The following DTNB variants were observed in gnomAD, a reference collection of about 807,000 sequenced individuals.
DTNB encodes DTN-B.
DTNB carries 63 observed loss-of-function variants against 90.7 expected under a neutral mutation model. The observed-to-expected ratio is 0.69, with a 90% CI of 0.57 to 0.86. The LOEUF (loss-of-function observed/expected upper bound fraction) is 0.86, where lower values mean the gene tolerates loss of function less well. Ranked by LOEUF, DTNB falls within the 40% of genes least tolerant of loss-of-function variation. The probability of loss-of-function intolerance (pLI) is 0.00; values close to 1 mark genes in which losing one functional copy is unlikely to be tolerated. For synonymous variants in DTNB, 277 were observed against 286.7 expected (o/e 0.97, Z 0.34); for missense variants, 744 against 807.1 (o/e 0.92, Z 0.95).
At chr2:25,495,591 A>G (rs2068663316) in intron 9 of DTNB, among the ~76,000 whole-genome samples, 1 of 152,166 alleles carries the variant, frequency 6.6e-6, no homozygotes, top group Non-Finnish European at 1.5e-5. Flanking sequence ...CTTTCATTGC[A>G]ATGATTCTCG....
At chr2:25,559,498 C>T (rs146409390) in intron 8 of DTNB, among the ~76,000 whole-genome samples, 10 of 152,312 alleles carry the variant, frequency 6.6e-5, no homozygotes, top group South Asian at 4.1e-4. Context: ...TTTTGAATGT[C>T]GTATAATCAG....
chr2:25,487,453 C>T (rs1558730248), intron 9 of DTNB, among the ~76,000 whole-genome samples: 1 of 152,214 alleles, frequency 6.6e-6, no homozygotes, highest in Non-Finnish European at 1.5e-5. Context: ...AGGTTATATG[C>T]AAATACTATT....
chr2:25,512,692 G>GAT (rs1385337490), intron 9 of DTNB, among the ~76,000 whole-genome samples: 2 of 152,306 alleles, frequency 1.3e-5, no homozygotes, highest in East Asian at 3.9e-4. Flanking sequence ...GACATACCAG[G>GAT]ATTTAAACTG....
At chr2:25,589,738 C>T (rs75718601) in intron 6 of DTNB, among the ~76,000 whole-genome samples, 242 of 152,242 alleles carry the variant, frequency 1.6e-3, no homozygotes, top group African/African-American at 5.5e-3. Flanking sequence ...TTGAACTCTT[C>T]GAACTAAAGT....
At chr2:25,601,819 G>A (rs777308428) in intron 5 of DTNB, among the ~76,000 whole-genome samples, 30 of 152,192 alleles carry the variant, frequency 2.0e-4, no homozygotes, top group Non-Finnish European at 3.7e-4. Context: ...ACTGTAGTTC[G>A]AAACTCATTA....
chr2:25,649,741 T>C (rs1269677448), intron 2 of DTNB: 2 of 152,550 alleles, frequency 1.3e-5, no homozygotes, highest in East Asian at 1.9e-4. Flanking sequence ...AAAAATTGTA[T>C]AGTTACCTAC....
chr2:25,429,969 T>G (rs955077508), intron 14 of DTNB, among the ~76,000 whole-genome samples: 22 of 152,318 alleles, frequency 1.4e-4, no homozygotes, highest in South Asian at 2.1e-4. Flanking sequence ...GCACTTCCAA[T>G]CTGAAATGTT....
At chr2:25,393,144 C>A (rs1363697347) in intron 16 of DTNB, among the ~76,000 whole-genome samples, 2 of 152,038 alleles carry the variant, frequency 1.3e-5, no homozygotes, top group Non-Finnish European at 2.9e-5. Context: ...TCACATGATC[C>A]AATAAATGCA....
chr2:25,461,585 C>A (rs895693537), intron 10 of DTNB, among the ~76,000 whole-genome samples: 4 of 152,090 alleles, frequency 2.6e-5, no homozygotes, highest in African/African-American at 9.7e-5. Flanking sequence ...AATGTCAATT[C>A]AATCCATAAA....
intron 5 of DTNB, among the ~76,000 whole-genome samples, chr2:25,601,478 A>G (rs2065866057): frequency 6.6e-6 from 1 of 152,190 alleles, no homozygotes. Flanking sequence ...TAAGCAAAAA[A>G]ATGCTAGTGA....
chr2:25,461,402 ACT>A (rs1162582360), intron 10 of DTNB, among the ~76,000 whole-genome samples: 2 of 152,200 alleles, frequency 1.3e-5, no homozygotes, highest in Non-Finnish European at 2.9e-5. Context: ...GAAAATTTAA[ACT>A]CTTTCCTTTT....
At chr2:25,540,414 CTCT>C (rs911508786) in intron 8 of DTNB, among the ~76,000 whole-genome samples, 15 of 150,860 alleles carry the variant, frequency 9.9e-5, no homozygotes, top group Non-Finnish European at 2.1e-4. Flanking sequence ...AGCAGCCCTG[CTCT>C]TTTTTTATAA....
At chr2:25,572,445 C>T (rs1289552861) in intron 8 of DTNB, among the ~76,000 whole-genome samples, 5 of 148,716 alleles carry the variant, frequency 3.4e-5, no homozygotes, top group Admixed American at 1.3e-4. Context: ...CCAGCCTGGG[C>T]GACAAAGCGA....
At chr2:25,405,917 G>A (rs2045019168) in intron 16 of DTNB, among the ~76,000 whole-genome samples, 1 of 152,098 alleles carries the variant, frequency 6.6e-6, no homozygotes, top group Non-Finnish European at 1.5e-5. Flanking sequence ...TCAATAAAGT[G>A]GCTTTTCCAA....
chr2:25,552,414 C>G (rs1396643943), intron 8 of DTNB, among the ~76,000 whole-genome samples: 1 of 152,218 alleles, frequency 6.6e-6, no homozygotes, highest in African/African-American at 2.4e-5. Context: ...GCAATCCAAG[C>G]TCCTATATAC....
At chr2:25,651,199 G>A (rs2080868518) in intron 2 of DTNB, among the ~76,000 whole-genome samples, 3 of 152,218 alleles carry the variant, frequency 2.0e-5, no homozygotes. Flanking sequence ...TGTGCCAAGT[G>A]CTTTATTCAC....
chr2:25,523,355 C>T (rs1474311641), intron 9 of DTNB, among the ~76,000 whole-genome samples: 1 of 152,166 alleles, frequency 6.6e-6, no homozygotes, highest in Non-Finnish European at 1.5e-5. Flanking sequence ...AATTGCTATT[C>T]ATGGCTGGGT....
chr2:25,632,228 C>A (rs930640512), intron 3 of DTNB, among the ~76,000 whole-genome samples: 48 of 147,672 alleles, frequency 3.3e-4, no homozygotes, highest in Non-Finnish European at 1.5e-4. Flanking sequence ...TTGACCATAT[C>A]CTGAGCCATA....
At position 25,432,961 on chromosome 2, in the gene DTNB, T is replaced by G; in HGVS notation, c.1382A>C (p.His461Pro). Residue 461 changes from histidine (H) to proline (P), a missense_variant, in exon 14 of 21, where the codon CAC becomes CCC. Transcript: ENST00000406818. ...AGGGGTGGGCTGGGAGGCCTGCTCG[T>G]GTTCCAGGCGGAGACGCTGAATCTC... The part of the protein sequence containing the change: ...LQEIQRLRLE[H>P]EQASQPTPEK... The G allele has an allele frequency of 6.2e-7, 1 of 1,610,960 alleles. No homozygotes were observed. The highest frequency in any genetic ancestry group is 8.5e-7 in the Non-Finnish European group (1 of 1,179,310).
Sources: allele counts gnomAD v4.1 joint callset (sites outside exome capture counted in the v4.1 genomes callset), GRCh38; gene constraint gnomAD v4.1.1; transcripts MANE v1.5; gene names NCBI Gene and HGNC (gene_info 2026-07-23, HGNC 2026-07-21).